The following GPHN variants were observed in gnomAD, a reference collection of about 807,000 sequenced individuals.
GPHN encodes gephyrin.
Under a neutral mutation model 95.5 loss-of-function variants are expected in GPHN, and 17 were observed. The ratio of observed to expected loss-of-function variants is 0.18; its 90% CI spans 0.12 to 0.27. The LOEUF (loss-of-function observed/expected upper bound fraction) is 0.27, where lower values mean the gene tolerates loss of function less well. Among genes scored for constraint, GPHN ranks in the 10% least tolerant of loss-of-function variants. GPHN has a pLI of 1.00. For synonymous variants in GPHN, 320 were observed against 322.5 expected (o/e 0.99, Z 0.08); for missense variants, 660 against 978.1 (o/e 0.67, Z 4.34).
chr14:67,442,565 CCT>C, the GPHN span, among the ~76,000 whole-genome samples: 2 of 152,190 alleles, frequency 1.3e-5, no homozygotes, highest in Admixed American at 1.3e-4. Flanking sequence ...AACCAGTTTT[CCT>C]CTGTGTCCTG....
At chr14:67,626,071 G>A in the GPHN span, among the ~76,000 whole-genome samples, 3 of 151,972 alleles carry the variant, frequency 2.0e-5, no homozygotes, top group African/African-American at 4.8e-5. Context: ...TGATCAACAT[G>A]GTGAAACTCC....
chr14:67,719,833 A>T, the GPHN span, among the ~76,000 whole-genome samples: 9 of 152,256 alleles, frequency 5.9e-5, no homozygotes, highest in East Asian at 1.7e-3. Context: ...TTAATTATTT[A>T]TTCTTTTTTT....
At chr14:66,675,769 T>C (rs2153388837) in intron 1 of GPHN, among the ~76,000 whole-genome samples, 1 of 152,250 alleles carries the variant, frequency 6.6e-6, no homozygotes, top group Middle Eastern at 3.4e-3. Context: ...TTTAATCCAT[T>C]TTGAGTTGAT....
At chr14:67,076,954 C>G (rs1595047640) in intron 11 of GPHN, among the ~76,000 whole-genome samples, 1 of 152,120 alleles carries the variant, frequency 6.6e-6, no homozygotes, top group Non-Finnish European at 1.5e-5. Flanking sequence ...TTCTAAAAAG[C>G]CTCTTAGAGC....
At chr14:66,726,768 T>C (rs1330650815) in intron 2 of GPHN, among the ~76,000 whole-genome samples, 1 of 152,148 alleles carries the variant, frequency 6.6e-6, no homozygotes, top group African/African-American at 2.4e-5. Flanking sequence ...TTCTCTAAAA[T>C]CTGAAATTTT....
At chr14:67,016,052 A>T (rs1481570510) in intron 9 of GPHN, among the ~76,000 whole-genome samples, 1 of 152,172 alleles carries the variant, frequency 6.6e-6, no homozygotes, top group Non-Finnish European at 1.5e-5. Context: ...TTTTCTTAAA[A>T]AAAGGACACC....
chr14:67,391,595 C>T, the GPHN span, among the ~76,000 whole-genome samples: 1 of 152,178 alleles, frequency 6.6e-6, no homozygotes, highest in Admixed American at 6.5e-5. Context: ...TGGTGCCGAG[C>T]CGTGTAGGTG....
the GPHN span, among the ~76,000 whole-genome samples, chr14:67,681,208 G>C: frequency 1.3e-5 from 2 of 152,228 alleles, no homozygotes; most frequent in Non-Finnish European, 2.9e-5. Context: ...GGCTCAGAGA[G>C]AAGGCATCCA....
chr14:67,120,397 T>C (rs1208248313), intron 16 of GPHN, among the ~76,000 whole-genome samples: 1 of 152,230 alleles, frequency 6.6e-6, no homozygotes, highest in Non-Finnish European at 1.5e-5. Context: ...TATTGTTTTA[T>C]TTGAAATTAT....
At chr14:67,666,790 A>C in the GPHN span, among the ~76,000 whole-genome samples, 1 of 152,200 alleles carries the variant, frequency 6.6e-6, no homozygotes, top group African/African-American at 2.4e-5. Context: ...TAGTTCTGGA[A>C]TGCAAGTGTG....
chr14:66,525,403 G>T (rs2058650816), intron 1 of GPHN, among the ~76,000 whole-genome samples: 1 of 152,280 alleles, frequency 6.6e-6, no homozygotes, highest in South Asian at 2.1e-4. Flanking sequence ...CCCTTTGTCA[G>T]ATGAGTAGAT....
chr14:67,452,595 T>A, the GPHN span, among the ~76,000 whole-genome samples: 2 of 152,284 alleles, frequency 1.3e-5, no homozygotes, highest in South Asian at 4.2e-4. Flanking sequence ...ATCAGAACTC[T>A]CCTCTTCCAG....
At chr14:67,650,947 C>T in the GPHN span, 4 of 1,603,082 alleles carry the variant, frequency 2.5e-6, no homozygotes, top group South Asian at 2.2e-5. Flanking sequence ...ACATGTTTCA[C>T]AACAGGCATT....
At chr14:66,669,153 C>T (rs1280859419) in intron 1 of GPHN, among the ~76,000 whole-genome samples, 3 of 152,028 alleles carry the variant, frequency 2.0e-5, no homozygotes, top group African/African-American at 7.2e-5. Context: ...CAGCTGAGGT[C>T]GGGAGTTCGA....
At chr14:67,482,979 A>T in the GPHN span, among the ~76,000 whole-genome samples, 1 of 152,186 alleles carries the variant, frequency 6.6e-6, no homozygotes, top group Non-Finnish European at 1.5e-5. Context: ...AGATGGGGAA[A>T]GTGAGGCAGA....
In GPHN at chr14:66,728,698, A is replaced by T. The variant is rs1338151479; in HGVS notation, c.143+47513A>T. Among the ~76,000 whole-genome samples the T allele has an allele frequency of 2.0e-5, 3 of 152,224 alleles. No homozygotes were observed. The South Asian group carries it at 6.2e-4, about 32-fold the overall frequency. ...ATTTACCTGTACCCTCATTGTATCT[A>T]GGAAGTAACTAAATTGCTTTTGATT... On this transcript the variant is annotated intron_variant, in intron 2 of 22. Coordinates refer to ENST00000478722, the MANE Select transcript of GPHN (RefSeq NM_020806.5).
intron 1 of GPHN, among the ~76,000 whole-genome samples, chr14:66,549,237 TTGG>T (rs1256345402): frequency 4.6e-5 from 7 of 152,132 alleles, no homozygotes; most frequent in African/African-American, 1.7e-4. Context: ...TCACAGGGGG[TTGG>T]TGAACAGATT....
the GPHN span, among the ~76,000 whole-genome samples, chr14:67,605,234 A>G: frequency 6.6e-6 from 1 of 152,158 alleles, no homozygotes; most frequent in Non-Finnish European, 1.5e-5. Flanking sequence ...GTCTTCTCTA[A>G]TTTCTCTCAG....
the GPHN span, chr14:67,199,822 A>G: frequency 6.0e-6 from 9 of 1,501,306 alleles, no homozygotes; most frequent in African/African-American, 1.4e-5. Flanking sequence ...GAGCCCTCCC[A>G]CCTGGGATAC....
Sources: allele counts gnomAD v4.1 joint callset (sites outside exome capture counted in the v4.1 genomes callset), GRCh38; gene constraint gnomAD v4.1.1; transcripts MANE v1.5; gene names NCBI Gene and HGNC (gene_info 2026-07-23, HGNC 2026-07-21).